The following CBFA2T2 variants were observed in gnomAD, a reference collection of about 807,000 sequenced individuals.
The protein encoded by CBFA2T2 is protein CBFA2T2.
Under a neutral mutation model 62.2 loss-of-function variants are expected in CBFA2T2, and 11 were observed. That is an observed-to-expected ratio of 0.18 (90% CI 0.11 to 0.29). The LOEUF (loss-of-function observed/expected upper bound fraction) is 0.29. CBFA2T2 is among the 10% of genes least tolerant of loss of function. The probability of loss-of-function intolerance (pLI) is 1.00; values close to 1 mark genes in which losing one functional copy is unlikely to be tolerated. For synonymous variants in CBFA2T2, 295 were observed against 287.5 expected (o/e 1.03, Z -0.27); for missense variants, 592 against 774.1 (o/e 0.76, Z 2.79).
At chr20:33,555,714 T>G (rs1320093167) in intron 1 of CBFA2T2, among the ~76,000 whole-genome samples, 1 of 152,274 alleles carries the variant, frequency 6.6e-6, no homozygotes, top group Non-Finnish European at 1.5e-5. Context: ...TACCATACTA[T>G]TAACCTGATT....
At chr20:33,526,469 TATTC>T (rs545889889) in intron 1 of CBFA2T2, among the ~76,000 whole-genome samples, 51 of 152,328 alleles carry the variant, frequency 3.3e-4, no homozygotes, top group African/African-American at 1.2e-3. Context: ...ACATTTTGTT[TATTC>T]ATTCATCAGT....
chr20:33,579,295 T>A (rs1435449933), intron 1 of CBFA2T2, among the ~76,000 whole-genome samples: 1 of 151,788 alleles, frequency 6.6e-6, no homozygotes, highest in Admixed American at 6.6e-5. Flanking sequence ...CTCAAACTTC[T>A]GGGCTCAAGC....
At chr20:33,615,224 A>G (rs555342556) in intron 3 of CBFA2T2, among the ~76,000 whole-genome samples, 1 of 152,322 alleles carries the variant, frequency 6.6e-6, no homozygotes, top group Admixed American at 6.5e-5. Context: ...TTCTGTGTCC[A>G]TGGTGTATAA....
chr20:33,574,356 T>G lies in CBFA2T2; in HGVS notation c.35-32600T>G, dbSNP rs748276588. On this transcript the variant is annotated intron_variant, in intron 1 of 10. Coordinates refer to ENST00000342704, the MANE Select transcript of CBFA2T2 (RefSeq NM_001032999.3). Reference sequence around the variant, plus strand: ...AATTTGCTTTAAAGGCCAGGCATGGTGGCTCACGCCTGTAATCCCAGCACT... The same window carrying G: ...AATTTGCTTTAAAGGCCAGGCATGGGGGCTCACGCCTGTAATCCCAGCACT... The G allele has an allele frequency of 6.4e-4, 733 of 1,150,984 alleles. 1 individual carries two copies. The highest frequency in any genetic ancestry group is 7.4e-4 in the South Asian group (58 of 78,398). The allele number at this position is 1,150,984 out of a possible 1,614,324, so 71.3% of individuals were successfully genotyped here.
chr20:33,551,260 A>C (rs1279139782), intron 1 of CBFA2T2, among the ~76,000 whole-genome samples: 1 of 148,288 alleles, frequency 6.7e-6, no homozygotes, highest in Admixed American at 6.8e-5. Context: ...GTTGTCGCCC[A>C]GGCTGGAGTG....
At chr20:33,513,818 A>AG (rs1255898448) in intron 1 of CBFA2T2, among the ~76,000 whole-genome samples, 1 of 146,302 alleles carries the variant, frequency 6.8e-6, no homozygotes, top group African/African-American at 2.6e-5. Context: ...TGTCCCAGGA[A>AG]AAAAAAAAAA....
chr20:33,633,319 C>A (rs2016518942), intron 8 of CBFA2T2, among the ~76,000 whole-genome samples: 2 of 151,462 alleles, frequency 1.3e-5, no homozygotes, highest in African/African-American at 4.9e-5. Flanking sequence ...TTGTGGTAAG[C>A]CGAGATCACA....
At position 33,628,593 on chromosome 20, in the gene CBFA2T2, G is replaced by A. The variant is rs181760985; in HGVS notation, c.1032+158G>A. Among the ~76,000 whole-genome samples the A allele has an allele frequency of 4.8e-3, 724 of 152,142 alleles. 2 individuals are homozygous for A. Among genetic ancestry groups the A allele is most frequent in the Non-Finnish European group, 6.1e-3 (415 of 67,994 alleles). Reference sequence around the variant, plus strand: ...AAGCAATTCTCCTGCCTCTGTCTTCGGAGTAGCTGGGATTACAGGTGTACG... The same window carrying A: ...AAGCAATTCTCCTGCCTCTGTCTTCAGAGTAGCTGGGATTACAGGTGTACG... On this transcript the variant is annotated intron_variant, in intron 7 of 10. Transcript: ENST00000342704.
At chr20:33,558,831 C>G (rs209674) in intron 1 of CBFA2T2, among the ~76,000 whole-genome samples, 15,755 of 150,300 alleles carry the variant, frequency 0.1, 2,302 homozygotes, top group African/African-American at 0.32. Flanking sequence ...TTTGGGGGGG[C>G]GGCGATTCTT....
intron 1 of CBFA2T2, among the ~76,000 whole-genome samples, chr20:33,516,678 TA>T (rs1348135828): frequency 1.3e-5 from 2 of 152,204 alleles, no homozygotes; most frequent in African/African-American, 2.4e-5. Context: ...TAGTAAAAAG[TA>T]AAAATTCTCT....
At chr20:33,642,160 G>T (rs1413254585) in intron 10 of CBFA2T2, among the ~76,000 whole-genome samples, 1 of 145,970 alleles carries the variant, frequency 6.9e-6, no homozygotes, top group Non-Finnish European at 1.5e-5. Flanking sequence ...GTGTGTGTGT[G>T]TGTGGATAAC....
intron 1 of CBFA2T2, among the ~76,000 whole-genome samples, chr20:33,540,658 G>A (rs185129622): frequency 1.3e-5 from 2 of 152,288 alleles, no homozygotes; most frequent in African/African-American, 4.8e-5. Flanking sequence ...GGGCTAGTTA[G>A]CATTTTAAAG....
chr20:33,636,756 G>A (rs1409291330), intron 9 of CBFA2T2, 48 bp downstream of exon 9: 5 of 1,399,486 alleles, frequency 3.6e-6, no homozygotes, highest in Non-Finnish European at 3.0e-6. Context: ...TAATTTGTGG[G>A]AGCAGAGAAC....
At chr20:33,613,960 G>A (rs969622377) in intron 3 of CBFA2T2, among the ~76,000 whole-genome samples, 7 of 151,738 alleles carry the variant, frequency 4.6e-5, no homozygotes, top group South Asian at 2.1e-4. Flanking sequence ...TGCGGCGGGC[G>A]GATCATGAGG....
chr20:33,518,212 G>C (rs2011638976), intron 1 of CBFA2T2, among the ~76,000 whole-genome samples: 1 of 152,092 alleles, frequency 6.6e-6, no homozygotes, highest in Non-Finnish European at 1.5e-5. Flanking sequence ...CTCCCGAAGT[G>C]CTGGGATTAC....
At chr20:33,565,528 C>G (rs921733772) in intron 1 of CBFA2T2, among the ~76,000 whole-genome samples, 3 of 152,048 alleles carry the variant, frequency 2.0e-5, no homozygotes, top group Non-Finnish European at 2.9e-5. Flanking sequence ...GCTAGAGTTT[C>G]AGGAAACATA....
chr20:33,569,139 G>A (rs2013452108), intron 1 of CBFA2T2, among the ~76,000 whole-genome samples: 1 of 152,152 alleles, frequency 6.6e-6, no homozygotes, highest in Non-Finnish European at 1.5e-5. Context: ...TAATATTCAA[G>A]CAAATCGTGG....
intron 1 of CBFA2T2, among the ~76,000 whole-genome samples, chr20:33,597,804 A>T (rs2014953938): frequency 6.6e-6 from 1 of 152,154 alleles, no homozygotes; most frequent in Non-Finnish European, 1.5e-5. Flanking sequence ...TGCCCAGCTA[A>T]TTCTTTTATT....
chr20:33,552,074 G>A (rs62209598), intron 1 of CBFA2T2, among the ~76,000 whole-genome samples: 4 of 144,814 alleles, frequency 2.8e-5, no homozygotes, highest in African/African-American at 7.9e-5. Flanking sequence ...TTGCTTCCCT[G>A]GTTTTTTTTT....
Sources: allele counts gnomAD v4.1 joint callset (sites outside exome capture counted in the v4.1 genomes callset), GRCh38; gene constraint gnomAD v4.1.1; transcripts MANE v1.5; gene names NCBI Gene and HGNC (gene_info 2026-07-23, HGNC 2026-07-21).